The following CNTNAP2 variants were observed in gnomAD, a reference collection of about 807,000 sequenced individuals.
CNTNAP2 encodes the protein contactin associated protein 2.
Under a neutral mutation model 155.2 loss-of-function variants are expected in CNTNAP2, and 98 were observed. The ratio of observed to expected loss-of-function variants is 0.63; its 90% CI spans 0.54 to 0.75. The LOEUF (loss-of-function observed/expected upper bound fraction) is 0.75, where lower values mean the gene tolerates loss of function less well. Ranked by LOEUF, CNTNAP2 falls within the 30% of genes least tolerant of loss-of-function variation. CNTNAP2 has a pLI of 0.00. For synonymous variants in CNTNAP2, 651 were observed against 631.2 expected, an observed-to-expected ratio of 1.03 and a Z score of -0.47; for missense variants, 1,727 against 1,688.1, an observed-to-expected ratio of 1.02 and a Z score of -0.40.
At chr7:147,281,829 C>G (rs561450874) in intron 8 of CNTNAP2, among the ~76,000 whole-genome samples, 1 of 151,698 alleles carries the variant, frequency 6.6e-6, no homozygotes, top group Non-Finnish European at 1.5e-5. Context: ...TTGGCCAATC[C>G]ACTCTTAGAG....
intron 9 of CNTNAP2, among the ~76,000 whole-genome samples, chr7:147,326,563 G>T (rs1488082126): frequency 1.3e-5 from 2 of 152,156 alleles, no homozygotes; most frequent in Non-Finnish European, 2.9e-5. Flanking sequence ...TGGAATTGCT[G>T]GATTACATGT....
At chr7:148,152,929 A>G (rs927264059) in intron 17 of CNTNAP2, among the ~76,000 whole-genome samples, 44 of 149,316 alleles carry the variant, frequency 2.9e-4, no homozygotes, top group African/African-American at 6.1e-4. Context: ...GCTGAGGCAG[A>G]AGAATGGCAT....
intron 1 of CNTNAP2, among the ~76,000 whole-genome samples, chr7:146,580,928 G>A (rs1035219395): frequency 3.3e-5 from 5 of 152,010 alleles, no homozygotes; most frequent in Non-Finnish European, 7.4e-5. Context: ...AAATTTGTGT[G>A]AAAAATCACC....
intron 3 of CNTNAP2, among the ~76,000 whole-genome samples, chr7:146,867,349 C>A (rs1460047973): frequency 6.6e-6 from 1 of 152,058 alleles, no homozygotes; most frequent in Non-Finnish European, 1.5e-5. Flanking sequence ...AAGACATGAT[C>A]TTGTTCTTTT....
intron 3 of CNTNAP2, among the ~76,000 whole-genome samples, chr7:146,847,975 C>G (rs948256144): frequency 1.2e-4 from 19 of 152,140 alleles, no homozygotes; most frequent in African/African-American, 4.6e-4. Flanking sequence ...GTCTACAGTA[C>G]TTCTCTGTGT....
chr7:147,670,693 C>T (rs1402548697), intron 13 of CNTNAP2, among the ~76,000 whole-genome samples: 1 of 152,154 alleles, frequency 6.6e-6, no homozygotes, highest in African/African-American at 2.4e-5. Context: ...TTTTCAGCTC[C>T]CCTTCCAACT....
rs76615596 is a variant in CNTNAP2 at position 146,847,935 on chromosome 7, G to A, written c.402+8031G>A. On this transcript the variant is annotated intron_variant, in intron 3 of 23. Coordinates refer to ENST00000361727, the MANE Select transcript of CNTNAP2 (RefSeq NM_014141.6). Reference sequence around the variant, plus strand: ...TTAATAAATTCACTTGATAAAGTGCGTTAACTTCGGAAAGAAATAACCCAT... The same window carrying A: ...TTAATAAATTCACTTGATAAAGTGCATTAACTTCGGAAAGAAATAACCCAT... 3.0e-4 allele frequency among the ~76,000 whole-genome samples: 45 copies of A among 152,252 alleles called. No homozygotes were observed. In the East Asian group the frequency reaches 7.3e-3, roughly 25 times the overall value.
At chr7:146,275,138 A>T (rs1003411622) in intron 1 of CNTNAP2, among the ~76,000 whole-genome samples, 7 of 152,218 alleles carry the variant, frequency 4.6e-5, no homozygotes, top group African/African-American at 1.4e-4. Flanking sequence ...ACAAGTGTCC[A>T]TTGAAAGTCA....
intron 17 of CNTNAP2, among the ~76,000 whole-genome samples, chr7:148,166,284 A>G (rs1408262968): frequency 2.0e-5 from 3 of 152,182 alleles, no homozygotes; most frequent in African/African-American, 7.2e-5. Context: ...CTTCAATACT[A>G]TGAAGCAGAC....
At chr7:146,181,035 T>C (rs534566847) in intron 1 of CNTNAP2, among the ~76,000 whole-genome samples, 34 of 152,174 alleles carry the variant, frequency 2.2e-4, no homozygotes, top group Non-Finnish European at 3.4e-4. Context: ...AGTCTATAAA[T>C]TTCTGAGAAA....
chr7:147,171,912 A>G (rs1395051347), intron 8 of CNTNAP2, among the ~76,000 whole-genome samples: 1 of 152,154 alleles, frequency 6.6e-6, no homozygotes, highest in African/African-American at 2.4e-5. Flanking sequence ...GAAAAAAACG[A>G]GAATACCTGC....
chr7:146,685,769 A>G (rs1025876728), intron 1 of CNTNAP2, among the ~76,000 whole-genome samples: 3 of 152,154 alleles, frequency 2.0e-5, no homozygotes, highest in Non-Finnish European at 4.4e-5. Flanking sequence ...GTGTATATCC[A>G]TTTTCCTTAC....
At position 147,943,015 on chromosome 7, in the gene CNTNAP2, C is replaced by T. The variant is rs112930669; in HGVS notation, c.2256-34847C>T. On this transcript the variant is annotated intron_variant, in intron 14 of 23. Transcript: ENST00000361727. ...TCAGGCCACTGCACACCAGCCTGGG[C>T]GACAAAGCGAGACTCCATCTCAAAA... Among the ~76,000 whole-genome samples, 12 of 151,238 alleles carry T rather than the reference C, an allele frequency of 7.9e-5. No homozygotes were observed. In the East Asian group the frequency reaches 1.4e-3, roughly 17 times the overall value.
chr7:147,840,576 A>G (rs2116650779), intron 13 of CNTNAP2, among the ~76,000 whole-genome samples: 1 of 152,264 alleles, frequency 6.6e-6, no homozygotes, highest in East Asian at 1.9e-4. Context: ...TTTCATCCTG[A>G]AAGCACTTAT....
At chr7:146,669,699 C>T (rs1357820266) in intron 1 of CNTNAP2, among the ~76,000 whole-genome samples, 1 of 152,092 alleles carries the variant, frequency 6.6e-6, no homozygotes, top group Admixed American at 6.6e-5. Flanking sequence ...AATTCTGGGG[C>T]AGCAATATGA....
chr7:146,603,956 A>G (rs1412900554), intron 1 of CNTNAP2, among the ~76,000 whole-genome samples: 2 of 131,548 alleles, frequency 1.5e-5, no homozygotes, highest in African/African-American at 5.9e-5. Flanking sequence ...GTTAGACCTA[A>G]AACCATAAAA....
chr7:146,328,764 C>T (rs960489176), intron 1 of CNTNAP2, among the ~76,000 whole-genome samples: 2 of 152,144 alleles, frequency 1.3e-5, no homozygotes, highest in Non-Finnish European at 2.9e-5. Context: ...CTTTAGACTC[C>T]ACATCTACGT....
At chr7:147,372,462 T>C (rs1174909526) in intron 9 of CNTNAP2, among the ~76,000 whole-genome samples, 1 of 152,142 alleles carries the variant, frequency 6.6e-6, no homozygotes, top group Non-Finnish European at 1.5e-5. Flanking sequence ...TAAGTTTAAG[T>C]TGGTATATTC....
At chr7:148,247,647 A>ATTTTTTTTTTTTTTTTTTTTTTTTTT (rs1361087053) in intron 20 of CNTNAP2, among the ~76,000 whole-genome samples, 1 of 125,762 alleles carries the variant, frequency 8.0e-6, no homozygotes, top group African/African-American at 3.2e-5. Flanking sequence ...TTATTTATTT[A>ATTTTTTTTTTTTTTTTTTTTTTTTTT]TTTATTTATT....
Sources: gnomAD v4.1 joint callset for allele counts (sites outside exome capture counted in the v4.1 genomes callset) on GRCh38, gnomAD v4.1.1 for gene constraint, MANE v1.5 for transcripts, NCBI Gene and HGNC (gene_info 2026-07-23, HGNC 2026-07-21) for gene names.